FAM3D: variants seen among roughly 807,000 people sequenced by gnomAD.
FAM3D encodes protein FAM3D.
FAM3D carries 26 observed loss-of-function variants against 29.8 expected under a neutral mutation model. That is an observed-to-expected ratio of 0.87 (90% CI 0.64 to 1.21). The LOEUF (loss-of-function observed/expected upper bound fraction) is 1.21, where lower values mean the gene tolerates loss of function less well. FAM3D is among the 50% of genes most tolerant of loss of function. FAM3D has a pLI of 0.00. For missense variants in FAM3D, 253 were observed against 290.9 expected (o/e 0.87, Z 0.95); for synonymous variants, 115 against 102.3 (o/e 1.12, Z -0.75).
intron 3 of FAM3D, among the ~76,000 whole-genome samples, chr3:58,653,012 G>C (rs2066692083): frequency 6.7e-6 from 1 of 150,350 alleles, no homozygotes; most frequent in Non-Finnish European, 1.5e-5. Flanking sequence ...TGTTTACTAG[G>C]CATCTGCTCT....
At position 58,634,954 on chromosome 3, in the gene FAM3D, T is replaced by C. The variant is rs946756173; in HGVS notation, c.586-586A>G. Among the ~76,000 whole-genome samples, 2 of 151,478 alleles carry C rather than the reference T, an allele frequency of 1.3e-5. No individual in the cohort carries two copies. The highest frequency in any genetic ancestry group is 1.5e-5 in the Non-Finnish European group (1 of 67,864). ...ACTTTGGGAGGGTAAGGAAGGAGGG[T>C]CACTTGAGGCCAGGAGTTCAAGACC... is the stretch of plus-strand genomic sequence containing the variant. On this transcript the variant is annotated intron_variant, in intron 9 of 9. Transcript: ENST00000358781. This position sits in a 1 kb window ranked among gnomAD's most constrained non-coding sequence, Gnocchi z 4.6.
Position 58,645,289 on chromosome 3 carries a change from C to T in FAM3D, c.263+220G>A, listed in dbSNP as rs565824413. On this transcript the variant is annotated intron_variant, in intron 5 of 9. Transcript: ENST00000358781. ...ATAATATCCCCACCTCCCAGGATGT[C>T]GGGGGAATGAATGAGAGATGCTGTG... 2.1e-3 allele frequency among the ~76,000 whole-genome samples: 325 copies of T among 152,190 alleles called. 10 individuals are homozygous for T. In the South Asian group the frequency reaches 0.065, roughly 31 times the overall value.
chr3:58,655,420 C>T (rs2066765246), intron 2 of FAM3D, 131 bp downstream of exon 2: 1 of 1,206,316 alleles, frequency 8.3e-7, no homozygotes, highest in Non-Finnish European at 1.2e-6. Context: ...CTTCCAGCCT[C>T]CCCTGGATTG....
rs548318810 is a variant in FAM3D, at chr3:58,660,937, C to T, written c.-38-5336G>A. Among the ~76,000 whole-genome samples, 38 of 152,254 alleles carry T rather than the reference C, an allele frequency of 2.5e-4. No homozygotes were observed. The South Asian group carries it at 4.1e-3, about 17-fold the overall frequency. On this transcript the variant is annotated intron_variant, in intron 1 of 9. Coordinates refer to ENST00000358781, the MANE Select transcript of FAM3D (RefSeq NM_138805.3). Reference sequence around the variant, plus strand: ...AAAAGATCCCAGAAATAAACCCAGGCGATATGTGTCAGGAGACCACACATT... The same window carrying T: ...AAAAGATCCCAGAAATAAACCCAGGTGATATGTGTCAGGAGACCACACATT...
intron 6 of FAM3D, among the ~76,000 whole-genome samples, chr3:58,640,645 G>A (rs1420732700): frequency 6.6e-6 from 1 of 152,242 alleles, no homozygotes; most frequent in Non-Finnish European, 1.5e-5. Context: ...CCTCTTGAAG[G>A]CAAAGGGATT....
Position 58,653,799 on chromosome 3 carries a change from G to A in FAM3D, c.14-18C>T. ...AAGCACACCTGCTGAGCAAGGGGAT[G>A]CTGCCAGGAGACCACAGAGCCAAGA... On this transcript the variant is annotated intron_variant, in intron 2 of 9. Coordinates refer to ENST00000358781, the MANE Select transcript of FAM3D (RefSeq NM_138805.3). 6.2e-7 allele frequency: 1 copy of A among 1,600,094 alleles called. No individual in the cohort carries two copies. The highest frequency in any genetic ancestry group is 8.6e-7 in the Non-Finnish European group (1 of 1,169,044).
chr3:58,634,471 G>A lies in FAM3D; in HGVS notation c.586-103C>T. ...CTAAACCTAAATGGGGGTGTGGGAT[G>A]TTATTAACCCACTTCACAGATGGGG... On this transcript the variant is annotated intron_variant, in intron 9 of 9. Coordinates refer to ENST00000358781, the MANE Select transcript of FAM3D (RefSeq NM_138805.3). The surrounding 1 kb of genome is among the most constrained non-coding windows in gnomAD (Gnocchi z 4.6). 3.1e-6 allele frequency: 3 copies of A among 981,680 alleles called. No homozygotes were observed. The Admixed American group carries it at 6.4e-5, about 21-fold the overall frequency. 60.8% of individuals were successfully genotyped at this position (981,680 alleles called of 1,614,324 possible).
intron 5 of FAM3D, among the ~76,000 whole-genome samples, chr3:58,644,750 A>T (rs530875241): frequency 1.2e-4 from 18 of 152,202 alleles, no homozygotes; most frequent in African/African-American, 4.3e-4. Context: ...CTTTAACCAC[A>T]TGGAGAAATC....
intron 1 of FAM3D, among the ~76,000 whole-genome samples, chr3:58,661,228 C>T (rs1050622520): frequency 1.3e-5 from 2 of 152,152 alleles, no homozygotes; most frequent in Non-Finnish European, 2.9e-5. Flanking sequence ...CTAGGTAGAC[C>T]CGAGCCTCGG....
Position 58,634,096 on chromosome 3 carries a change from G to T in FAM3D, c.*183C>A. 1.8e-6 allele frequency: 1 copy of T among 561,436 alleles called. No individual in the cohort carries two copies. Among genetic ancestry groups the T allele is most frequent in the Non-Finnish European group, 3.1e-6 (1 of 319,014 alleles). The allele number at this position is 561,436 out of a possible 1,614,324, so 34.8% of individuals were successfully genotyped here. ...AGGACCCTCTGAGGCTGGTCTTCCGGGTAGGATGTGCTGTGGGAGGGTTCT... is the reference window on the plus strand; with the variant it reads ...AGGACCCTCTGAGGCTGGTCTTCCGTGTAGGATGTGCTGTGGGAGGGTTCT... On this transcript the variant is annotated 3_prime_UTR_variant, in exon 10 of 10. Transcript: ENST00000358781. The surrounding 1 kb of genome is among the most constrained non-coding windows in gnomAD (Gnocchi z 4.6).
chr3:58,644,556 G>A (rs868589835), intron 5 of FAM3D, among the ~76,000 whole-genome samples: 2 of 152,180 alleles, frequency 1.3e-5, no homozygotes, highest in Non-Finnish European at 1.5e-5. Context: ...ACCTAGTCTC[G>A]GGTATGTCTT....
chr3:58,665,446 T>C (rs1306100139), intron 1 of FAM3D, among the ~76,000 whole-genome samples: 2 of 152,156 alleles, frequency 1.3e-5, no homozygotes, highest in Non-Finnish European at 2.9e-5. Context: ...ACTCCCAGGC[T>C]ATCTCCATGG....
At chr3:58,650,346 C>G (rs983052178) in intron 3 of FAM3D, among the ~76,000 whole-genome samples, 5 of 152,172 alleles carry the variant, frequency 3.3e-5, no homozygotes, top group South Asian at 4.2e-4. Context: ...TTACATTTCT[C>G]TGGAGACAGA....
At chr3:58,647,636 C>G (rs1439723448) in intron 4 of FAM3D, among the ~76,000 whole-genome samples, 1 of 152,236 alleles carries the variant, frequency 6.6e-6, no homozygotes, top group East Asian at 1.9e-4. Context: ...GACCATCCAG[C>G]CTTCACAGTC....
rs1553635878 is a variant in FAM3D, at chr3:58,652,870, A to ATCCATCCG, written c.121+803_121+804insCGGATGGA. Among the ~76,000 whole-genome samples the ATCCATCCG allele has an allele frequency of 3.4e-5, 5 of 148,460 alleles. No individual in the cohort carries two copies. The South Asian group carries it at 8.7e-4, about 26-fold the overall frequency. On this transcript the variant is annotated intron_variant, in intron 3 of 9. Coordinates refer to ENST00000358781, the MANE Select transcript of FAM3D (RefSeq NM_138805.3). ...CATCTGTCCATCCATCTGTCCATCCATCCATCCATCCATCCATCCATCCAT... is the reference window on the plus strand; with the variant it reads ...CATCTGTCCATCCATCTGTCCATCCATCCATCCGTCCATCCATCCATCCATCCATCCAT...
At chr3:58,650,463 G>A (rs1158598069) in intron 3 of FAM3D, among the ~76,000 whole-genome samples, 1 of 152,190 alleles carries the variant, frequency 6.6e-6, no homozygotes, top group African/African-American at 2.4e-5. Context: ...GAGAAGATAA[G>A]CATCGGGAGA....
At chr3:58,639,647 C>T (rs577701117) in intron 7 of FAM3D, among the ~76,000 whole-genome samples, 1 of 152,334 alleles carries the variant, frequency 6.6e-6, no homozygotes, top group South Asian at 2.1e-4. Context: ...CAACAGCCAG[C>T]CCCTGGTCAC....
intron 4 of FAM3D, among the ~76,000 whole-genome samples, chr3:58,646,689 G>T (rs943254399): frequency 6.6e-6 from 1 of 152,322 alleles, no homozygotes; most frequent in Admixed American, 6.5e-5. Flanking sequence ...TCTGGCCAAG[G>T]TCTGCCAGTG....
chr3:58,643,574 A>G, intron 6 of FAM3D, 88 bp downstream of exon 6: 1 of 1,374,002 alleles, frequency 7.3e-7, no homozygotes, highest in Non-Finnish European at 1.0e-6. Context: ...GTAGGAGCTG[A>G]GCCAATGTTG....
Sources: gnomAD v4.1 joint callset for allele counts (sites outside exome capture counted in the v4.1 genomes callset) on GRCh38, gnomAD v4.1.1 for gene constraint, Gnocchi (gnomAD v3.1) non-coding constraint, MANE v1.5 for transcripts, NCBI Gene and HGNC (gene_info 2026-07-23, HGNC 2026-07-21) for gene names.